The following NFAT5 variants were observed in gnomAD, a reference collection of about 807,000 sequenced individuals.
NFAT5 encodes nuclear factor of activated T-cells 5.
NFAT5 carries 31 observed loss-of-function variants against 166.5 expected under a neutral mutation model. The ratio of observed to expected loss-of-function variants is 0.19; its 90% CI spans 0.14 to 0.25. The LOEUF (loss-of-function observed/expected upper bound fraction) is 0.25. Ranked by LOEUF, NFAT5 falls within the 10% of genes least tolerant of loss-of-function variation. The pLI is 1.00. For synonymous variants in NFAT5, 612 were observed against 639.7 expected (o/e 0.96, Z 0.65); for missense variants, 1,449 against 1,821.8 (o/e 0.80, Z 3.72).
In NFAT5 at chr16:69,589,186, G is replaced by A. The variant is rs1254681746; in HGVS notation, c.127+20638G>A. Among the ~76,000 whole-genome samples the A allele has an allele frequency of 9.0e-4, 137 of 151,722 alleles. 1 individual carries two copies. The highest frequency in any genetic ancestry group is 2.9e-5 in the Non-Finnish European group (2 of 67,958). On this transcript the variant is annotated intron_variant, in intron 2 of 14. Coordinates refer to ENST00000349945, the MANE Select transcript of NFAT5 (RefSeq NM_138713.4). ...ATTTTGTATTTTTAGTAGAGACAGG[G>A]TTTCTCCATGTTGGTCAGGCTGGTC...
At chr16:69,648,713 T>C (rs1471435417) in intron 4 of NFAT5, 1 of 973,474 alleles carries the variant, frequency 1.0e-6, no homozygotes, top group Non-Finnish European at 1.2e-6. Flanking sequence ...TCAAAATAAT[T>C]TGTTAAAATT....
At position 69,647,328 on chromosome 16, in the gene NFAT5, A is replaced by C; in HGVS notation, c.554A>C (p.Glu185Ala). 1.9e-6 allele frequency: 3 copies of C among 1,614,188 alleles called. No individual in the cohort carries two copies. Among genetic ancestry groups the C allele is most frequent in the Non-Finnish European group, 2.5e-6 (3 of 1,180,044 alleles). The change falls in exon 4 of 15, where the codon GAA becomes GCA. Residue 185 changes from glutamate (E) to alanine (A), a missense_variant. Physicochemically the swap from Glu to Ala is moderately radical, Grantham distance 107. Transcript: ENST00000349945. This position sits in a 1 kb window ranked among gnomAD's most constrained non-coding sequence, Gnocchi z 4.8. ...TGCCAGGATGAGGGGTGTGGATTGG[A>C]ATCTGAGCAGAGCTGCAGTATGTGG... is the stretch of plus-strand genomic sequence containing the variant. The part of the protein sequence containing the change: ...MSCQDEGCGL[E>A]SEQSCSMWME...
At position 69,672,590 on chromosome 16, in the gene NFAT5, A is replaced by C. The variant is rs181500838; in HGVS notation, c.1557+2302A>C. ...AACACTTAATAGATACACAAGAAAA[A>C]CTTATTAGTTCATTTTATTCACCTT... On this transcript the variant is annotated intron_variant, in intron 9 of 14. Coordinates refer to ENST00000349945, the MANE Select transcript of NFAT5 (RefSeq NM_138713.4). 1.7e-3 allele frequency among the ~76,000 whole-genome samples: 259 copies of C among 152,284 alleles called. 1 individual carries two copies. The highest frequency in any genetic ancestry group is 6.0e-3 in the African/African-American group (251 of 41,558).
intron 1 of NFAT5, among the ~76,000 whole-genome samples, chr16:69,568,142 G>A (rs1003777148): frequency 6.6e-6 from 1 of 151,972 alleles, no homozygotes; most frequent in African/African-American, 2.4e-5. Context: ...GAGAAACCCC[G>A]TCACCCCGTC....
Position 69,670,020 on chromosome 16 carries a change from T to C in NFAT5, c.1413T>C (p.His471=), listed in dbSNP as rs761602373. The change falls in exon 8 of 15, where the codon CAT becomes CAC. Residue 471 remains histidine, a synonymous_variant. Coordinates refer to ENST00000349945, the MANE Select transcript of NFAT5 (RefSeq NM_138713.4). ...CAGAAATCTTAAAGAAAAGCTTGCA[T>C]AGCTGTTCAGTGAAAGGAGAAGAAG... The part of the protein sequence containing the change: ...GVPEILKKSL[H]SCSVKGEEEV... The C allele has an allele frequency of 6.2e-7, 1 of 1,612,424 alleles. No homozygotes were observed. The highest frequency in any genetic ancestry group is 8.5e-7 in the Non-Finnish European group (1 of 1,179,474).
intron 3 of NFAT5, among the ~76,000 whole-genome samples, chr16:69,631,798 TA>T (rs1172488712): frequency 6.6e-6 from 1 of 152,048 alleles, no homozygotes; most frequent in Non-Finnish European, 1.5e-5. Context: ...GCTAACTTCA[TA>T]GCAGTTTTTA....
chr16:69,679,428 C>T (rs149528916), intron 10 of NFAT5, among the ~76,000 whole-genome samples: 6,570 of 151,616 alleles, frequency 0.043, 486 homozygotes, highest in African/African-American at 0.15. Context: ...CCAGCCTGGC[C>T]AACATGGTGA....
intron 9 of NFAT5, among the ~76,000 whole-genome samples, chr16:69,670,882 T>G (rs1380064632): frequency 6.6e-6 from 1 of 152,152 alleles, no homozygotes; most frequent in Non-Finnish European, 1.5e-5. Flanking sequence ...AGAGGTAGTA[T>G]GTACAGGTGT....
chr16:69,662,795 A>G (rs1323631972), intron 7 of NFAT5, among the ~76,000 whole-genome samples: 2 of 152,160 alleles, frequency 1.3e-5, no homozygotes, highest in Non-Finnish European at 2.9e-5. Flanking sequence ...TTGTGTATTC[A>G]GCAAAATAAT....
intron 2 of NFAT5, among the ~76,000 whole-genome samples, chr16:69,587,733 T>C (rs1022596884): frequency 6.6e-6 from 1 of 152,220 alleles, no homozygotes; most frequent in East Asian, 1.9e-4. Flanking sequence ...CATTTTCTAT[T>C]TGAAAGAATA....
intron 2 of NFAT5, among the ~76,000 whole-genome samples, chr16:69,623,292 T>C (rs1481471435): frequency 6.6e-6 from 1 of 151,728 alleles, no homozygotes; most frequent in Non-Finnish European, 1.5e-5. Flanking sequence ...CTATCTCTAC[T>C]CCCTCCATAT....
chr16:69,605,660 AC>A (rs2033364138), intron 2 of NFAT5, among the ~76,000 whole-genome samples: 1 of 151,700 alleles, frequency 6.6e-6, no homozygotes, highest in South Asian at 2.1e-4. Flanking sequence ...AAAGAAATAG[AC>A]TAAACTCTTT....
At chr16:69,612,847 G>A (rs1178962611) in intron 2 of NFAT5, among the ~76,000 whole-genome samples, 3 of 151,466 alleles carry the variant, frequency 2.0e-5, no homozygotes, top group African/African-American at 7.3e-5. Context: ...TGGGTGACAG[G>A]GCGAAATCCT....
In NFAT5 at chr16:69,566,047, C is replaced by CCCCCTT. The variant is rs1406665783; in HGVS notation, c.-244_-239dup. 35 of 416,044 alleles carry CCCCCTT rather than the reference C, an allele frequency of 8.4e-5. No homozygotes were observed. The highest frequency in any genetic ancestry group is 8.1e-5 in the Non-Finnish European group (20 of 246,660). The allele number at this position is 416,044 out of a possible 1,614,324, so 25.8% of individuals were successfully genotyped here. A position where few individuals can be genotyped will look rare whatever the true frequency, so the allele number is the denominator to read the frequency against. Reference sequence around the variant, plus strand: ...AACACGAAACGGACCCTTTGGCTCTCCCCCTTCCCCTTCCCCGTCCTGAAC... The same window carrying CCCCCTT: ...AACACGAAACGGACCCTTTGGCTCTCCCCCTTCCCCTTCCCCTTCCCCGTCCTGAAC... On this transcript the variant is annotated 5_prime_UTR_variant, in exon 1 of 15. Transcript: ENST00000349945. This position sits in a 1 kb window ranked among gnomAD's most constrained non-coding sequence, Gnocchi z 5.7.
At chr16:69,607,328 TG>T (rs553123343) in intron 2 of NFAT5, among the ~76,000 whole-genome samples, 8 of 152,374 alleles carry the variant, frequency 5.3e-5, no homozygotes, top group Admixed American at 1.3e-4. Flanking sequence ...CTTTGTATAA[TG>T]GTTGTAGACT....
chr16:69,605,159 G>C (rs1459483430), intron 2 of NFAT5, among the ~76,000 whole-genome samples: 1 of 152,170 alleles, frequency 6.6e-6, no homozygotes, highest in African/African-American at 2.4e-5. Context: ...GAAAGTGGAG[G>C]CCGGGTGTGG....
rs956538892 is a variant in NFAT5, at chr16:69,699,883, T to C, written c.*3532T>C. ...GTGTGTGTGTGTGTGTGTTTCCTTA[T>C]TGTCATTCCATTATATATCCACACC... is the stretch of plus-strand genomic sequence containing the variant. On this transcript the variant is annotated 3_prime_UTR_variant, in exon 15 of 15. Transcript: ENST00000349945. The C allele has an allele frequency of 2.6e-5, 4 of 151,868 alleles. No individual in the cohort carries two copies. The East Asian group carries it at 5.8e-4, about 22-fold the overall frequency. 9.4% of individuals were successfully genotyped at this position (151,868 alleles called of 1,614,324 possible).
chr16:69,626,451 G>A lies in NFAT5; in HGVS notation c.176G>A (p.Arg59Lys). The A allele has an allele frequency of 6.3e-7, 1 of 1,594,680 alleles. No homozygotes were observed. The highest frequency in any genetic ancestry group is 8.5e-7 in the Non-Finnish European group (1 of 1,170,892). ...LPKELQLPPS[R>K]ETSVASMSQT... ...AAGGAGTTACAGTTACCTCCATCTA[G>A]AGAAACATCTGTAGCATCAATGAGT... is the stretch of plus-strand genomic sequence containing the variant. The change falls in exon 3 of 15, where the codon AGA (arginine) becomes AAA (lysine). Residue 59 changes from arginine to lysine, a missense_variant. By Grantham distance (26) the Arg-to-Lys change is conservative. Coordinates refer to ENST00000349945, the MANE Select transcript of NFAT5 (RefSeq NM_138713.4).
At position 69,693,456 on chromosome 16, in the gene NFAT5, A is replaced by T. The variant is rs1349308062; in HGVS notation, c.3631A>T (p.Thr1211Ser). ...QQQAPISHIQ[T>S]PMLSQEQAQP... ...GCAAGCTCCAATATCACACATCCAG[A>T]CTCCTATGCTTTCCCAAGAACAGGC... Residue 1211 changes from threonine (T) to serine (S), a missense_variant, in exon 13 of 15, where the codon ACT becomes TCT. This residue lies in a region of NFAT5 where 891 missense variants were observed against 993.0 expected (regional missense o/e 0.90). Transcript: ENST00000349945. 1 of 1,613,754 alleles carries T rather than the reference A, an allele frequency of 6.2e-7. No individual in the cohort carries two copies. Among genetic ancestry groups the T allele is most frequent in the Non-Finnish European group, 8.5e-7 (1 of 1,179,950 alleles).
Sources: gnomAD v4.1 joint callset for allele counts (sites outside exome capture counted in the v4.1 genomes callset) on GRCh38, gnomAD v4.1.1 for gene constraint, gnomAD v4.1.1 regional missense constraint, Gnocchi (gnomAD v3.1) non-coding constraint, MANE v1.5 for transcripts, NCBI Gene and HGNC (gene_info 2026-07-23, HGNC 2026-07-21) for gene names.